The following ELOVL5 variants were observed in gnomAD, a reference collection of about 807,000 sequenced individuals.
ELOVL5 encodes ELOVL fatty acid elongase 5, also known as very long chain fatty acid elongase 5.
In ELOVL5, 8 loss-of-function variants were observed where a neutral mutation model predicts 38.6. The observed-to-expected ratio is 0.21, with a 90% CI of 0.12 to 0.37. The LOEUF (loss-of-function observed/expected upper bound fraction) is 0.37. ELOVL5 is among the 10% of genes least tolerant of loss of function. The pLI is 1.00. For synonymous variants in ELOVL5, 127 were observed against 133.7 expected, an observed-to-expected ratio of 0.95 and a Z score of 0.34; for missense variants, 280 against 367.8, an observed-to-expected ratio of 0.76 and a Z score of 1.95.
intron 1 of ELOVL5, among the ~76,000 whole-genome samples, chr6:53,340,922 C>T (rs934887338): frequency 1.4e-4 from 22 of 152,148 alleles, no homozygotes; most frequent in African/African-American, 5.3e-4. Flanking sequence ...CTTTCCCTCC[C>T]GTCTGCATTT....
chr6:53,343,950 T>C (rs1332889976), intron 1 of ELOVL5, among the ~76,000 whole-genome samples: 1 of 152,238 alleles, frequency 6.6e-6, no homozygotes, highest in Non-Finnish European at 1.5e-5. Flanking sequence ...GGGGCTTTCC[T>C]TTTCTCACCA....
At chr6:53,316,711 G>C (rs947678260) in intron 1 of ELOVL5, among the ~76,000 whole-genome samples, 3 of 150,754 alleles carry the variant, frequency 2.0e-5, no homozygotes, top group African/African-American at 7.3e-5. Flanking sequence ...TGAGGGAGAG[G>C]GGGGAGTCCA....
At chr6:53,321,552 G>A (rs780261780) in intron 1 of ELOVL5, among the ~76,000 whole-genome samples, 1 of 152,150 alleles carries the variant, frequency 6.6e-6, no homozygotes, top group South Asian at 2.1e-4. Context: ...CAATTAGGTC[G>A]AAGAGTCTTA....
intron 3 of ELOVL5, among the ~76,000 whole-genome samples, chr6:53,282,215 T>A (rs960209398): frequency 6.6e-6 from 1 of 152,236 alleles, no homozygotes; most frequent in Non-Finnish European, 1.5e-5. Context: ...GTGCTGGATG[T>A]CCCAGCCAAA....
chr6:53,334,031 A>G (rs1242001036), intron 1 of ELOVL5, among the ~76,000 whole-genome samples: 1 of 152,012 alleles, frequency 6.6e-6, no homozygotes, highest in East Asian at 1.9e-4. Context: ...ATTGTCTCCT[A>G]TTTCCCAGGA....
chr6:53,332,243 G>A (rs569151509), intron 1 of ELOVL5, among the ~76,000 whole-genome samples: 27 of 152,224 alleles, frequency 1.8e-4, no homozygotes, highest in African/African-American at 6.0e-4. Context: ...CTACTAACTC[G>A]TCAAGTTACA....
chr6:53,328,974 T>C (rs1004498707), intron 1 of ELOVL5, among the ~76,000 whole-genome samples: 1 of 152,194 alleles, frequency 6.6e-6, no homozygotes, highest in Non-Finnish European at 1.5e-5. Context: ...CTTACAGATA[T>C]GTTCATTTGA....
At chr6:53,309,921 C>G (rs893563140) in intron 1 of ELOVL5, among the ~76,000 whole-genome samples, 1 of 152,180 alleles carries the variant, frequency 6.6e-6, no homozygotes, top group African/African-American at 2.4e-5. Flanking sequence ...GTAGGCCTTG[C>G]TGGGACTTCT....
chr6:53,320,913 G>C (rs936906824), intron 1 of ELOVL5, among the ~76,000 whole-genome samples: 4 of 152,096 alleles, frequency 2.6e-5, no homozygotes, highest in African/African-American at 9.7e-5. Context: ...CAGGATTCTT[G>C]AATTCATTTA....
At chr6:53,327,444 T>C (rs1768596580) in intron 1 of ELOVL5, among the ~76,000 whole-genome samples, 1 of 152,162 alleles carries the variant, frequency 6.6e-6, no homozygotes, top group Admixed American at 6.5e-5. Flanking sequence ...AGAGGTCACA[T>C]ATTGTATGAT....
In ELOVL5 at chr6:53,267,920, T is replaced by G. The variant is rs113011503; in HGVS notation, c.*1207A>C. On this transcript the variant is annotated 3_prime_UTR_variant, in exon 8 of 8. Coordinates refer to ENST00000304434, the MANE Select transcript of ELOVL5 (RefSeq NM_021814.5). Reference sequence around the variant, plus strand: ...AGATGTGATTTTATGATAAGCAGTCTATTATTTTTAAACAAGAGGTTCTAA... The same window carrying G: ...AGATGTGATTTTATGATAAGCAGTCGATTATTTTTAAACAAGAGGTTCTAA... 8 of 152,342 alleles carry G rather than the reference T, an allele frequency of 5.3e-5. 2 individuals are homozygous for G. Among genetic ancestry groups the G allele is most frequent in the African/African-American group, 1.9e-4 (8 of 41,582 alleles). The allele number at this position is 152,342 out of a possible 1,614,324, so 9.4% of individuals were successfully genotyped here. A position where few individuals can be genotyped will look rare whatever the true frequency, so the allele number is the denominator to read the frequency against.
intron 1 of ELOVL5, among the ~76,000 whole-genome samples, chr6:53,319,063 C>T (rs565239246): frequency 6.5e-4 from 99 of 151,768 alleles, no homozygotes; most frequent in Middle Eastern, 3.4e-3. Context: ...GCGGGCAGAT[C>T]ACAAGGTCAG....
Position 53,284,999 on chromosome 6 carries a change from G to A in ELOVL5, c.246+6777C>T, listed in dbSNP as rs185060978. ...CTTCTCTGGCCTCCTTATTTCCTGA[G>A]ATACAACAATATTGAAATTGGGTTA... is the stretch of plus-strand genomic sequence containing the variant. On this transcript the variant is annotated intron_variant, in intron 3 of 7. Transcript: ENST00000304434. 1.3e-4 allele frequency among the ~76,000 whole-genome samples: 20 copies of A among 152,210 alleles called. No individual in the cohort carries two copies. The East Asian group carries it at 3.9e-3, about 29-fold the overall frequency.
Position 53,273,226 on chromosome 6 carries a change from C to A in ELOVL5, c.615G>T (p.Gly205=). The A allele has an allele frequency of 6.2e-7, 1 of 1,613,622 alleles. No homozygotes were observed. Among genetic ancestry groups the A allele is most frequent in the Middle Eastern group, 1.7e-4 (1 of 6,054 alleles). ...YLWWKKYITQ[G]QLLQFVLTII... is the part of the protein sequence containing the mutation. ...AAGAGGCCAAGTCACTCACCAGCTG[C>A]CCCTGAGTGATGTACTTCTTCCACC... The change falls in exon 6 of 8, where the codon GGG becomes GGT. Residue 205 remains glycine (G), a synonymous_variant. Coordinates refer to ENST00000304434, the MANE Select transcript of ELOVL5 (RefSeq NM_021814.5).
rs767300070 is a variant in ELOVL5 at position 53,269,185 on chromosome 6, G to C, written c.842C>G (p.Thr281Ser). Residue 281 changes from threonine to serine, a missense_variant, in exon 8 of 8, where the codon ACC (threonine) becomes AGC (serine). Physicochemically the swap from Thr to Ser is moderately conservative, Grantham distance 58. Transcript: ENST00000304434. ...NGSMAAVNGH[T>S]NSFSPLENNV... ...GTTTTCCAGGGGTGAAAAGCTGTTG[G>C]TGTGTCCATTCACAGCAGCCATGGA... 1.9e-6 allele frequency: 3 copies of C among 1,613,992 alleles called. No individual in the cohort carries two copies. Among genetic ancestry groups the C allele is most frequent in the Non-Finnish European group, 2.5e-6 (3 of 1,179,910 alleles).
At chr6:53,312,318 G>A (rs1262410195) in intron 1 of ELOVL5, among the ~76,000 whole-genome samples, 1 of 152,158 alleles carries the variant, frequency 6.6e-6, no homozygotes, top group African/African-American at 2.4e-5. Flanking sequence ...CAGGTGAATT[G>A]TTAAAACAAA....
intron 1 of ELOVL5, among the ~76,000 whole-genome samples, chr6:53,334,410 ATTTAT>A (rs1768954632): frequency 6.6e-6 from 1 of 152,144 alleles, no homozygotes; most frequent in African/African-American, 2.4e-5. Flanking sequence ...TCTTTACTTA[ATTTAT>A]TTTAATTTAC....
chr6:53,348,679 GC>G lies in ELOVL5; in HGVS notation c.-9+137del, dbSNP rs926597877. On this transcript the variant is annotated intron_variant, in intron 1 of 7. Transcript: ENST00000304434. ...GGAGGCCGCGGGCGGAGCGCGGGTT[GC>G]CCCGGCAGCTCTTTCTCGGCACCAG... is the stretch of plus-strand genomic sequence containing the variant. 82 of 351,640 alleles carry G rather than the reference GC, an allele frequency of 2.3e-4. 1 individual carries two copies. The highest frequency in any genetic ancestry group is 1.7e-3 in the African/African-American group (74 of 43,778). 21.8% of individuals were successfully genotyped at this position (351,640 alleles called of 1,614,324 possible).
intron 1 of ELOVL5, among the ~76,000 whole-genome samples, chr6:53,348,201 C>G (rs1019893986): frequency 2.0e-5 from 3 of 152,178 alleles, no homozygotes; most frequent in Admixed American, 6.5e-5. Context: ...CTGAAGCGGT[C>G]CCGAGCTAGC....
Sources: gnomAD v4.1 joint callset for allele counts (sites outside exome capture counted in the v4.1 genomes callset) on GRCh38, gnomAD v4.1.1 for gene constraint, MANE v1.5 for transcripts, NCBI Gene and HGNC (gene_info 2026-07-23, HGNC 2026-07-21) for gene names.